PDGFC: variants seen among roughly 807,000 people sequenced by gnomAD.
PDGFC encodes platelet-derived growth factor C.
Under a neutral mutation model 35.5 loss-of-function variants are expected in PDGFC, and 12 were observed. That is an observed-to-expected ratio of 0.34 (90% CI 0.22 to 0.55). The LOEUF (loss-of-function observed/expected upper bound fraction) is 0.55. Ranked by LOEUF, PDGFC falls within the 20% of genes least tolerant of loss-of-function variation. The pLI is 0.91. For missense variants in PDGFC, 322 were observed against 412.4 expected (o/e 0.78, Z 1.90); for synonymous variants, 159 against 148.8 (o/e 1.07, Z -0.50).
At chr4:156,933,137 C>A (rs1256354385) in intron 1 of PDGFC, among the ~76,000 whole-genome samples, 2 of 152,114 alleles carry the variant, frequency 1.3e-5, no homozygotes, top group African/African-American at 2.4e-5. Flanking sequence ...TCTTTAAAGA[C>A]CTAAATGAAG....
chr4:156,850,841 G>A (rs1222482954), intron 1 of PDGFC, among the ~76,000 whole-genome samples: 8 of 142,464 alleles, frequency 5.6e-5, no homozygotes, highest in Admixed American at 4.9e-4. Flanking sequence ...AAGCTGCAGA[G>A]CTACAGTCAA....
At chr4:156,789,089 C>T (rs1731208177) in intron 3 of PDGFC, among the ~76,000 whole-genome samples, 1 of 152,130 alleles carries the variant, frequency 6.6e-6, no homozygotes, top group Non-Finnish European at 1.5e-5. Context: ...TCTAAGTGAA[C>T]ACTGGAAATA....
intron 2 of PDGFC, among the ~76,000 whole-genome samples, chr4:156,843,116 G>A (rs1729244390): frequency 6.6e-6 from 1 of 152,148 alleles, no homozygotes; most frequent in East Asian, 1.9e-4. Flanking sequence ...CCCCTAAGGT[G>A]ATGGTATTTG....
intron 2 of PDGFC, among the ~76,000 whole-genome samples, chr4:156,823,132 G>A (rs1264230335): frequency 6.6e-6 from 1 of 152,104 alleles, no homozygotes; most frequent in Non-Finnish European, 1.5e-5. Flanking sequence ...GCCAGGGACA[G>A]GGTGGCTCAT....
intron 3 of PDGFC, among the ~76,000 whole-genome samples, chr4:156,805,168 A>T (rs970029726): frequency 1.3e-5 from 2 of 152,008 alleles, no homozygotes; most frequent in African/African-American, 4.8e-5. Flanking sequence ...GCCAAGTAAG[A>T]GTTTAGTCTC....
intron 1 of PDGFC, among the ~76,000 whole-genome samples, chr4:156,967,042 G>A (rs370409249): frequency 1.2e-5 from 1 of 86,770 alleles, no homozygotes. Context: ...TTTTTTTTTT[G>A]TAAAAAAGCC....
intron 1 of PDGFC, among the ~76,000 whole-genome samples, chr4:156,966,418 C>A (rs1272814097): frequency 6.6e-6 from 1 of 151,586 alleles, no homozygotes; most frequent in African/African-American, 2.4e-5. Context: ...AAACAGAAAC[C>A]TACGGGGAAA....
intron 1 of PDGFC, among the ~76,000 whole-genome samples, chr4:156,856,461 T>C (rs868848503): frequency 1.3e-5 from 2 of 152,154 alleles, no homozygotes; most frequent in Admixed American, 6.6e-5. Flanking sequence ...GGACCAGCTA[T>C]ACTAGTAAAC....
intron 2 of PDGFC, among the ~76,000 whole-genome samples, chr4:156,822,556 C>A (rs1007092782): frequency 6.6e-6 from 1 of 151,738 alleles, no homozygotes. Context: ...ACATAAAAAT[C>A]AACATGTAAT....
rs114200683 is a variant in PDGFC, at chr4:156,832,224, T to A, written c.314+17997A>T. Among the ~76,000 whole-genome samples the A allele has an allele frequency of 2.5e-3, 387 of 151,970 alleles. 7 individuals carry two copies. Among genetic ancestry groups the A allele is most frequent in the African/African-American group, 9.1e-3 (376 of 41,484 alleles). On this transcript the variant is annotated intron_variant, in intron 2 of 5. Transcript: ENST00000502773. ...TTATCTTCCTTAAAAACAGGCCTCA[T>A]TTTATCATGCCACCTTCTTTCTTTC...
intron 1 of PDGFC, among the ~76,000 whole-genome samples, chr4:156,909,124 G>A (rs1730983504): frequency 6.6e-6 from 1 of 152,086 alleles, no homozygotes; most frequent in Admixed American, 6.5e-5. Flanking sequence ...GACAGCTAAC[G>A]AGTATTACTT....
chr4:156,902,483 CAT>C (rs576775548), intron 1 of PDGFC, among the ~76,000 whole-genome samples: 103 of 152,284 alleles, frequency 6.8e-4, no homozygotes, highest in African/African-American at 2.4e-3. Flanking sequence ...TTAACTCTAA[CAT>C]GTGTACATTC....
chr4:156,771,089 T>C (rs1299687513), intron 4 of PDGFC, among the ~76,000 whole-genome samples: 1 of 152,162 alleles, frequency 6.6e-6, no homozygotes, highest in Non-Finnish European at 1.5e-5. Flanking sequence ...AAAAAGTTAA[T>C]AAATTTGGAA....
At chr4:156,950,367 AT>A (rs1560887543) in intron 1 of PDGFC, among the ~76,000 whole-genome samples, 1 of 151,886 alleles carries the variant, frequency 6.6e-6, no homozygotes, top group Non-Finnish European at 1.5e-5. Context: ...TGATTAGATA[AT>A]AATATTAGTT....
intron 1 of PDGFC, among the ~76,000 whole-genome samples, chr4:156,959,125 A>C (rs765582121): frequency 2.6e-5 from 4 of 152,052 alleles, no homozygotes; most frequent in African/African-American, 4.8e-5. Context: ...GATCAATTCA[A>C]TCTTCATACC....
rs535839272 is a variant in PDGFC at position 156,898,113 on chromosome 4, G to A, written c.119-47697C>T. Among the ~76,000 whole-genome samples the A allele has an allele frequency of 7.2e-5, 11 of 152,256 alleles. No individual in the cohort carries two copies. In the East Asian group the frequency reaches 1.9e-3, roughly 27 times the overall value. ...CTTTGGGAACAATTAGGTCATGAAGGTGGAGGCCTCATGAAGGCAATTAAT... is the reference window on the plus strand; with the variant it reads ...CTTTGGGAACAATTAGGTCATGAAGATGGAGGCCTCATGAAGGCAATTAAT... On this transcript the variant is annotated intron_variant, in intron 1 of 5. Transcript: ENST00000502773.
chr4:156,860,547 C>T (rs1729685520), intron 1 of PDGFC, among the ~76,000 whole-genome samples: 1 of 151,936 alleles, frequency 6.6e-6, no homozygotes. Context: ...TGAACAAACA[C>T]CTGACACGGG....
intron 3 of PDGFC, among the ~76,000 whole-genome samples, chr4:156,801,907 C>T (rs1041338062): frequency 1.3e-5 from 2 of 152,286 alleles, no homozygotes; most frequent in East Asian, 1.9e-4. Context: ...CCTAAGTAGA[C>T]AGCGACAGAT....
At chr4:156,764,286 A>G (rs964650631) in intron 5 of PDGFC, among the ~76,000 whole-genome samples, 6 of 152,236 alleles carry the variant, frequency 3.9e-5, no homozygotes, top group African/African-American at 1.4e-4. Flanking sequence ...TGCATACCTC[A>G]CTGGAGTATG....
Sources: gnomAD v4.1 joint callset for allele counts (sites outside exome capture counted in the v4.1 genomes callset) on GRCh38, gnomAD v4.1.1 for gene constraint, MANE v1.5 for transcripts, NCBI Gene and HGNC (gene_info 2026-07-23, HGNC 2026-07-21) for gene names.